Variants in LSAMP observed in about 807,000 individuals in gnomAD.
LSAMP encodes limbic system associated membrane protein.
In LSAMP, 7 loss-of-function variants were observed where a neutral mutation model predicts 38.6. That is an observed-to-expected ratio of 0.18 (90% CI 0.10 to 0.34). The LOEUF (loss-of-function observed/expected upper bound fraction) is 0.34. Among genes scored for constraint, LSAMP ranks in the 10% least tolerant of loss-of-function variants. The probability of loss-of-function intolerance (pLI) is 1.00; values close to 1 mark genes in which losing one functional copy is unlikely to be tolerated. For missense variants in LSAMP, 313 were observed against 420.0 expected (o/e 0.75, Z 2.23); for synonymous variants, 154 against 166.8 (o/e 0.92, Z 0.59).
chr3:116,070,617 T>C (rs1707577047), intron 2 of LSAMP, among the ~76,000 whole-genome samples: 1 of 152,232 alleles, frequency 6.6e-6, no homozygotes, highest in Non-Finnish European at 1.5e-5. Flanking sequence ...AAATTGTTTA[T>C]TCTGCAATTT....
chr3:115,966,044 C>T (rs1313027947), intron 3 of LSAMP, among the ~76,000 whole-genome samples: 1 of 152,110 alleles, frequency 6.6e-6, no homozygotes, highest in Non-Finnish European at 1.5e-5. Flanking sequence ...TGGCAGAAAA[C>T]TACATTTCCC....
chr3:116,020,906 T>C (rs960791236), intron 2 of LSAMP, among the ~76,000 whole-genome samples: 1 of 152,202 alleles, frequency 6.6e-6, no homozygotes, highest in African/African-American at 2.4e-5. Flanking sequence ...TCATTCTTAC[T>C]GCCCATTAGA....
chr3:115,989,705 C>T (rs1221977781), intron 3 of LSAMP, among the ~76,000 whole-genome samples: 2 of 152,012 alleles, frequency 1.3e-5, no homozygotes, highest in Non-Finnish European at 2.9e-5. Context: ...GAACCATTGT[C>T]TTTTTGGTAA....
At chr3:116,004,456 AATTATGCATACATACACT>A (rs1453822039) in intron 3 of LSAMP, among the ~76,000 whole-genome samples, 5 of 148,822 alleles carry the variant, frequency 3.4e-5, no homozygotes, top group African/African-American at 5.0e-5. Flanking sequence ...ATATATACAC[AATTATGCATACATACACT>A]ATTATGCATA....
chr3:116,414,380 T>C (rs2049021203), intron 1 of LSAMP, among the ~76,000 whole-genome samples: 2 of 152,140 alleles, frequency 1.3e-5, no homozygotes, highest in Admixed American at 1.3e-4. Flanking sequence ...CAATTCTTTC[T>C]GCATATCACA....
At chr3:116,021,633 G>A (rs1365797042) in intron 2 of LSAMP, among the ~76,000 whole-genome samples, 1 of 152,100 alleles carries the variant, frequency 6.6e-6, no homozygotes, top group Non-Finnish European at 1.5e-5. Context: ...GTAGTTACAT[G>A]TGAATTGCAA....
At chr3:116,202,026 T>C (rs914295334) in intron 1 of LSAMP, among the ~76,000 whole-genome samples, 2 of 152,210 alleles carry the variant, frequency 1.3e-5, no homozygotes, top group African/African-American at 4.8e-5. Context: ...TAATTTATTC[T>C]CTGACCCTTA....
chr3:116,247,775 A>G (rs1436003697), intron 1 of LSAMP, among the ~76,000 whole-genome samples: 5 of 152,218 alleles, frequency 3.3e-5, no homozygotes, highest in Non-Finnish European at 7.3e-5. Context: ...CTATTAATGT[A>G]CAGTTGAATT....
At chr3:116,409,711 T>C (rs1212374906) in intron 1 of LSAMP, among the ~76,000 whole-genome samples, 1 of 152,102 alleles carries the variant, frequency 6.6e-6, no homozygotes, top group East Asian at 1.9e-4. Context: ...GAGCTGTGCT[T>C]ATTTAGTTAA....
chr3:116,204,412 C>T (rs182855359), intron 1 of LSAMP, among the ~76,000 whole-genome samples: 131 of 152,124 alleles, frequency 8.6e-4, no homozygotes, highest in Non-Finnish European at 1.6e-3. Flanking sequence ...TTAATTAAAC[C>T]CCATTTGTCA....
intron 1 of LSAMP, among the ~76,000 whole-genome samples, chr3:116,178,322 A>G (rs1015106852): frequency 1.3e-5 from 2 of 152,042 alleles, no homozygotes; most frequent in Non-Finnish European, 2.9e-5. Context: ...ACACGCCACC[A>G]TGCTCGGCTA....
chr3:116,444,808 A>T (rs2049484594), intron 1 of LSAMP, 69 bp downstream of exon 1: 10 of 1,282,552 alleles, frequency 7.8e-6, no homozygotes, highest in Non-Finnish European at 8.7e-6. Flanking sequence ...ACACACACAC[A>T]CAAACACACA....
chr3:116,150,651 G>T (rs114002238), intron 1 of LSAMP, among the ~76,000 whole-genome samples: 2 of 151,920 alleles, frequency 1.3e-5, no homozygotes, highest in African/African-American at 2.4e-5. Context: ...TAAGTGATGC[G>T]CAGTGATAGG....
intron 1 of LSAMP, among the ~76,000 whole-genome samples, chr3:116,329,923 G>A (rs573203715): frequency 2.0e-5 from 3 of 152,050 alleles, no homozygotes; most frequent in East Asian, 1.9e-4. Flanking sequence ...TTAAATTAAC[G>A]TTTAATGTGT....
At chr3:116,045,530 G>A (rs1278425971) in intron 2 of LSAMP, among the ~76,000 whole-genome samples, 2 of 145,532 alleles carry the variant, frequency 1.4e-5, no homozygotes, top group Non-Finnish European at 3.0e-5. Context: ...TTTTTCATTG[G>A]GTGGAGGTGG....
At chr3:116,061,609 C>A (rs775726510) in intron 2 of LSAMP, among the ~76,000 whole-genome samples, 3 of 152,198 alleles carry the variant, frequency 2.0e-5, no homozygotes, top group Non-Finnish European at 4.4e-5. Flanking sequence ...AGTTCCAACA[C>A]CTCCAGTATT....
rs554548865 is a variant in LSAMP at position 116,169,280 on chromosome 3, C to G, written c.156-82724G>C. 2.6e-5 allele frequency among the ~76,000 whole-genome samples: 4 copies of G among 152,218 alleles called. No homozygotes were observed. In the South Asian group the frequency reaches 8.3e-4, roughly 32 times the overall value. On this transcript the variant is annotated intron_variant, in intron 1 of 6. Transcript: ENST00000490035. ...ATAAGGCATATGGGGGGAAAAAAAGCAAGGAACACCAAAACTTAAATTGCT... is the reference window on the plus strand; with the variant it reads ...ATAAGGCATATGGGGGGAAAAAAAGGAAGGAACACCAAAACTTAAATTGCT...
chr3:116,210,202 G>C (rs1432829244), intron 1 of LSAMP, among the ~76,000 whole-genome samples: 1 of 152,054 alleles, frequency 6.6e-6, no homozygotes, highest in East Asian at 1.9e-4. Context: ...TATTGATATC[G>C]AGTGTTAACT....
chr3:116,332,038 G>A (rs76849887), intron 1 of LSAMP, among the ~76,000 whole-genome samples: 2,191 of 151,878 alleles, frequency 0.014, 48 homozygotes, highest in Non-Finnish European at 0.018. Context: ...ATGGTGTCTC[G>A]GTAAGTTGTC....
Sources: allele counts gnomAD v4.1 joint callset (sites outside exome capture counted in the v4.1 genomes callset), GRCh38; gene constraint gnomAD v4.1.1; transcripts MANE v1.5; gene names NCBI Gene and HGNC (gene_info 2026-07-23, HGNC 2026-07-21).